IFT88: variants seen among roughly 807,000 people sequenced by gnomAD.
IFT88 encodes intraflagellar transport 88.
IFT88 carries 74 observed loss-of-function variants against 119.5 expected under a neutral mutation model. The ratio of observed to expected loss-of-function variants is 0.62; its 90% CI spans 0.51 to 0.75. IFT88 has a LOEUF of 0.75. Ranked by LOEUF, IFT88 falls within the 30% of genes least tolerant of loss-of-function variation. IFT88 has a pLI of 0.00. For synonymous variants in IFT88, 279 were observed against 316.7 expected (o/e 0.88, Z 1.26); for missense variants, 961 against 977.7 (o/e 0.98, Z 0.23).
chr13:20,592,251 G>C, intron 6 of IFT88, 84 bp from the exon 7 acceptor site: 1 of 957,872 alleles, frequency 1.0e-6, no homozygotes, highest in South Asian at 1.5e-5. Flanking sequence ...AAATGAAATA[G>C]CTTATGCGAG....
At chr13:20,633,875 C>T (rs2497490) in intron 16 of IFT88, among the ~76,000 whole-genome samples, 32,179 of 152,046 alleles carry the variant, frequency 0.21, 3,942 homozygotes, top group African/African-American at 0.31. Flanking sequence ...AATGAACTGC[C>T]CCAAACCGTA....
At chr13:20,617,984 C>T (rs1469928389) in intron 14 of IFT88, among the ~76,000 whole-genome samples, 1 of 152,200 alleles carries the variant, frequency 6.6e-6, no homozygotes, top group East Asian at 1.9e-4. Context: ...CAGGGTTTCG[C>T]CGTGTTGGCT....
chr13:20,644,924 G>A lies in IFT88; in HGVS notation c.1915G>A (p.Ala639Thr), dbSNP rs975454884. 4.4e-6 allele frequency: 7 copies of A among 1,595,976 alleles called. No individual in the cohort carries two copies. Among genetic ancestry groups the A allele is most frequent in the African/African-American group, 1.3e-5 (1 of 74,520 alleles). ...CATTGACACCCAATTTTGGGAAAAA[G>A]CTATTCAGTACTTTGAAAGAGCTTC... ...YYIDTQFWEK[A>T]IQYFERASLI... Residue 639 changes from alanine to threonine, a missense_variant, in exon 20 of 26, where the codon GCT becomes ACT. Transcript: ENST00000351808.
intron 16 of IFT88, among the ~76,000 whole-genome samples, chr13:20,634,735 C>CA (rs377403226): frequency 0.19 from 24,011 of 125,696 alleles, 2,273 homozygotes; most frequent in African/African-American, 0.27. Flanking sequence ...CTCAAACAAA[C>CA]AAAAAAAAAA....
intron 1 of IFT88, among the ~76,000 whole-genome samples, chr13:20,570,811 A>G (rs1267922669): frequency 1.7e-5 from 1 of 58,120 alleles, no homozygotes; most frequent in East Asian, 1.8e-3. Context: ...TGAATATACT[A>G]AAAACCACTG....
In IFT88 at chr13:20,578,644, G is replaced by A. The variant is rs373897862; in HGVS notation, c.90+4169G>A. ...AGCTCACTGCAACCTCTGCTTCCTG[G>A]GTTCAAGTGATTCTCCTGCCTCAGC... is the stretch of plus-strand genomic sequence containing the variant. On this transcript the variant is annotated intron_variant, in intron 2 of 25. Coordinates refer to ENST00000351808, the MANE Select transcript of IFT88 (RefSeq NM_006531.5). Among the ~76,000 whole-genome samples the A allele has an allele frequency of 7.7e-4, 117 of 151,706 alleles. 2 individuals carry two copies. In the South Asian group the frequency reaches 0.021, roughly 27 times the overall value.
At chr13:20,637,527 C>T (rs1279852481) in intron 16 of IFT88, among the ~76,000 whole-genome samples, 1 of 152,170 alleles carries the variant, frequency 6.6e-6, no homozygotes, top group African/African-American at 2.4e-5. Flanking sequence ...TGCCTCTGTG[C>T]AGCTGCCTCC....
At chr13:20,616,953 T>C (rs1219971075) in intron 14 of IFT88, among the ~76,000 whole-genome samples, 1 of 151,970 alleles carries the variant, frequency 6.6e-6, no homozygotes, top group Non-Finnish European at 1.5e-5. Flanking sequence ...TTGTTGTTGT[T>C]GTTGTTTTGA....
At chr13:20,608,393 C>G (rs2043885102) in intron 13 of IFT88, among the ~76,000 whole-genome samples, 1 of 152,202 alleles carries the variant, frequency 6.6e-6, no homozygotes, top group Non-Finnish European at 1.5e-5. Flanking sequence ...CATGCTCTTT[C>G]TTTCTGGAGA....
Position 20,593,477 on chromosome 13 carries a change from A to G in IFT88, c.398+1073A>G, listed in dbSNP as rs564211071. ...GGAACTAGAACTGGAATTAGTCACTATACTGTTTTGCTTCTATAGAATATA... is the reference window on the plus strand; with the variant it reads ...GGAACTAGAACTGGAATTAGTCACTGTACTGTTTTGCTTCTATAGAATATA... On this transcript the variant is annotated intron_variant, in intron 7 of 25. Coordinates refer to ENST00000351808, the MANE Select transcript of IFT88 (RefSeq NM_006531.5). 1.5e-4 allele frequency among the ~76,000 whole-genome samples: 22 copies of G among 151,696 alleles called. No homozygotes were observed. The East Asian group carries it at 3.9e-3, about 27-fold the overall frequency.
intron 13 of IFT88, among the ~76,000 whole-genome samples, chr13:20,610,269 C>T (rs962027057): frequency 6.6e-6 from 1 of 152,050 alleles, no homozygotes. Context: ...TGTCCCTGTT[C>T]GCTAGTCTGT....
intron 16 of IFT88, 38 bp downstream of exon 16, chr13:20,631,140 T>A: frequency 8.0e-7 from 1 of 1,246,278 alleles, no homozygotes; most frequent in Non-Finnish European, 1.2e-6. Flanking sequence ...TCATATGCTA[T>A]TTTTATATTG....
intron 7 of IFT88, among the ~76,000 whole-genome samples, chr13:20,594,504 G>T (rs1157490601): frequency 3.3e-5 from 5 of 152,150 alleles, no homozygotes; most frequent in Non-Finnish European, 5.9e-5. Context: ...CTCTGTGTGG[G>T]TAGGTAGCCA....
At chr13:20,568,126 GAAGTA>G in intron 1 of IFT88, 1 of 637,222 alleles carries the variant, frequency 1.6e-6, no homozygotes, top group South Asian at 1.8e-5. Flanking sequence ...GGAAAAGCTT[GAAGTA>G]GACTGTCCAT....
At chr13:20,637,389 C>T (rs541216670) in intron 16 of IFT88, among the ~76,000 whole-genome samples, 4 of 152,114 alleles carry the variant, frequency 2.6e-5, no homozygotes, top group East Asian at 1.9e-4. Context: ...GGAGCCATGG[C>T]GGTGAAGGTG....
chr13:20,583,545 G>A (rs1262509309), intron 3 of IFT88, among the ~76,000 whole-genome samples: 5 of 152,160 alleles, frequency 3.3e-5, no homozygotes, highest in East Asian at 1.9e-4. Context: ...CTTATCAGAT[G>A]TCTGATTTGC....
chr13:20,626,971 G>T (rs1458501743), intron 15 of IFT88, among the ~76,000 whole-genome samples: 2 of 152,124 alleles, frequency 1.3e-5, no homozygotes, highest in Non-Finnish European at 2.9e-5. Context: ...CCTATTTAGA[G>T]AACTTTTTGC....
chr13:20,654,750 C>T (rs1419772916), intron 21 of IFT88, among the ~76,000 whole-genome samples: 1 of 152,124 alleles, frequency 6.6e-6, no homozygotes, highest in African/African-American at 2.4e-5. Context: ...TCTGTAATTC[C>T]TATTGAATGT....
At chr13:20,587,621 T>G (rs957374667) in intron 3 of IFT88, among the ~76,000 whole-genome samples, 8 of 152,018 alleles carry the variant, frequency 5.3e-5, no homozygotes, top group African/African-American at 1.9e-4. Flanking sequence ...GGGTTTGTAT[T>G]TTTTTTAGGT....
Sources: allele counts gnomAD v4.1 joint callset (sites outside exome capture counted in the v4.1 genomes callset), GRCh38; gene constraint gnomAD v4.1.1; transcripts MANE v1.5; gene names NCBI Gene and HGNC (gene_info 2026-07-23, HGNC 2026-07-21).